DOCK2: variants seen among roughly 807,000 people sequenced by gnomAD.
The protein encoded by DOCK2 is dedicator of cytokinesis 2.
DOCK2 carries 87 observed loss-of-function variants against 248.9 expected under a neutral mutation model. The ratio of observed to expected loss-of-function variants is 0.35; its 90% CI spans 0.29 to 0.42. The LOEUF (loss-of-function observed/expected upper bound fraction) is 0.42. Among genes scored for constraint, DOCK2 ranks in the 10% least tolerant of loss-of-function variants. The probability of loss-of-function intolerance (pLI) is 1.00; values close to 1 mark genes in which losing one functional copy is unlikely to be tolerated. For missense variants in DOCK2, 1,747 were observed against 2,300.2 expected, an observed-to-expected ratio of 0.76 and a Z score of 4.92; for synonymous variants, 805 against 821.6, an observed-to-expected ratio of 0.98 and a Z score of 0.35.
rs547242484 is a variant in DOCK2, at chr5:170,067,901, T to TGGGGCAGGGA, written c.4644+224_4644+233dup. Among the ~76,000 whole-genome samples, 39 of 152,250 alleles carry TGGGGCAGGGA rather than the reference T, an allele frequency of 2.6e-4. 1 individual carries two copies. The East Asian group carries it at 7.0e-3, about 27-fold the overall frequency. On this transcript the variant is annotated intron_variant, in intron 45 of 51. Coordinates refer to ENST00000520908, the MANE Select transcript of DOCK2 (RefSeq NM_004946.3). ...CCAGCCTCTTTTCCATACCCTGTGC[T>TGGGGCAGGGA]GGGGCAGGGAGGGGCAGGAAGGGGC...
chr5:169,962,051 G>A (rs2113747154), intron 27 of DOCK2, among the ~76,000 whole-genome samples: 1 of 151,090 alleles, frequency 6.6e-6, no homozygotes, highest in East Asian at 2.0e-4. Context: ...TGTCCAACTT[G>A]GAGAAAGCCA....
intron 27 of DOCK2, among the ~76,000 whole-genome samples, chr5:169,941,423 T>A (rs1776241696): frequency 1.3e-5 from 2 of 152,080 alleles, no homozygotes; most frequent in African/African-American, 4.8e-5. Flanking sequence ...TTAGAGAGGC[T>A]TCTGTCTGAA....
At chr5:169,853,468 A>T (rs1033905544) in intron 27 of DOCK2, among the ~76,000 whole-genome samples, 5 of 152,234 alleles carry the variant, frequency 3.3e-5, no homozygotes, top group African/African-American at 1.2e-4. Flanking sequence ...TGTTACATTC[A>T]TGCAGTGATG....
chr5:170,046,046 A>G, intron 39 of DOCK2, 141 bp downstream of exon 39: 1 of 735,874 alleles, frequency 1.4e-6, no homozygotes. Flanking sequence ...GACCTGAGAG[A>G]GGCTGTACTG....
chr5:169,896,533 C>G (rs1414901720), intron 27 of DOCK2, among the ~76,000 whole-genome samples: 1 of 152,168 alleles, frequency 6.6e-6, no homozygotes, highest in Non-Finnish European at 1.5e-5. Flanking sequence ...ACTTAAGAAG[C>G]TGGCTGTAAG....
intron 22 of DOCK2, among the ~76,000 whole-genome samples, chr5:169,741,158 C>T (rs1763283320): frequency 6.6e-6 from 1 of 152,172 alleles, no homozygotes; most frequent in South Asian, 2.1e-4. Context: ...AGCTAACTCT[C>T]AGATTCTGTG....
intron 46 of DOCK2, 104 bp downstream of exon 46, chr5:170,069,324 A>T: frequency 8.6e-7 from 1 of 1,162,000 alleles, no homozygotes; most frequent in Non-Finnish European, 1.3e-6. Flanking sequence ...CTGAATTCAC[A>T]TGCCCTCCTG....
intron 27 of DOCK2, chr5:169,875,302 CA>C (rs1189084775): frequency 2.2e-6 from 1 of 456,692 alleles, no homozygotes; most frequent in East Asian, 6.9e-5. Context: ...TGAAACCCAG[CA>C]ACAAGTTTCC....
At chr5:169,790,813 G>A (rs1179043182) in intron 25 of DOCK2, among the ~76,000 whole-genome samples, 1 of 152,198 alleles carries the variant, frequency 6.6e-6, no homozygotes, top group East Asian at 1.9e-4. Context: ...GAAGTGAAAT[G>A]GCTCATCCAA....
chr5:170,003,429 G>C (rs894277752), intron 30 of DOCK2, among the ~76,000 whole-genome samples: 1 of 152,268 alleles, frequency 6.6e-6, no homozygotes, highest in African/African-American at 2.4e-5. Context: ...ACAAGGCCAG[G>C]TGCAGAACAG....
intron 27 of DOCK2, chr5:169,882,848 C>T (rs1001204172): frequency 1.9e-6 from 3 of 1,550,962 alleles, no homozygotes; most frequent in Non-Finnish European, 2.6e-6. Context: ...CACCCAGGGG[C>T]AGATTTCGAT....
Position 169,716,212 on chromosome 5 carries a change from GT to G in DOCK2, c.1944del (p.Leu649SerfsTer12). The G allele has an allele frequency of 1.2e-6, 2 of 1,613,420 alleles. No homozygotes were observed. Among genetic ancestry groups the G allele is most frequent in the Non-Finnish European group, 1.7e-6 (2 of 1,179,510 alleles). On this transcript the variant is annotated frameshift_variant and splice_region_variant, in exon 20 of 52. Coordinates refer to ENST00000520908, the MANE Select transcript of DOCK2 (RefSeq NM_004946.3). LOFTEE classifies it high-confidence loss of function. ...AGTGCAACCTTTGTTATTTCTTCCA[GT>G]TTCTCCAGGATACTCTGGATGCCCT... ...KIVDGEEVVK[F>X]LQDTLDALFN...
rs201493926 is a variant in DOCK2 at position 169,671,117 on chromosome 5, A to G, written c.264A>G (p.Ala88=). 2.6e-4 allele frequency: 424 copies of G among 1,614,112 alleles called. 1 individual carries two copies. In the East Asian group the frequency reaches 8.9e-3, roughly 34 times the overall value. Residue 88 remains alanine, a synonymous_variant, in exon 5 of 52, where the codon GCA becomes GCG. Transcript: ENST00000520908. The stretch of plus-strand genomic sequence containing the variant: ...TCATTCCTGCAGAAATTCCTCTGGC[A>G]CAAGAAGTGACAACGACACTTTGGG... ...ENIIPAEIPL[A]QEVTTTLWEW...
At chr5:170,067,792 G>A (rs758441553) in intron 45 of DOCK2, 106 bp downstream of exon 45, 12 of 1,306,694 alleles carry the variant, frequency 9.2e-6, no homozygotes, top group Non-Finnish European at 1.2e-5. Flanking sequence ...TACTTTGACT[G>A]TCCTTGTCCC....
chr5:169,816,182 T>C (rs1461375055), intron 26 of DOCK2, among the ~76,000 whole-genome samples: 2 of 152,160 alleles, frequency 1.3e-5, no homozygotes, highest in African/African-American at 4.8e-5. Flanking sequence ...TTAAGTGAAA[T>C]GAGTTAAGTG....
chr5:169,702,561 C>T, intron 14 of DOCK2, 134 bp downstream of exon 14: 1 of 1,359,592 alleles, frequency 7.4e-7, no homozygotes, highest in Non-Finnish European at 9.9e-7. Flanking sequence ...ATAATGTGTT[C>T]AACACCTTTT....
chr5:169,839,041 C>T (rs1056534595), intron 26 of DOCK2, among the ~76,000 whole-genome samples: 16 of 152,150 alleles, frequency 1.1e-4, no homozygotes, highest in Non-Finnish European at 1.9e-4. Flanking sequence ...AAGTTTAATG[C>T]GGTAAAGCTT....
intron 27 of DOCK2, among the ~76,000 whole-genome samples, chr5:169,866,036 G>A (rs1307179696): frequency 2.7e-5 from 4 of 149,548 alleles, no homozygotes; most frequent in Non-Finnish European, 4.4e-5. Flanking sequence ...TCAGAGGGGC[G>A]AGGGGGCCTG....
Position 170,042,050 on chromosome 5 carries a change from C to G in DOCK2, c.3794C>G (p.Thr1265Arg). The G allele has an allele frequency of 6.2e-7, 1 of 1,613,752 alleles. No homozygotes were observed. The highest frequency in any genetic ancestry group is 8.5e-7 in the Non-Finnish European group (1 of 1,179,824). ...DEQCASQVMQ[T>R]GQQHPQTHRQ... The stretch of plus-strand genomic sequence containing the variant: ...CAGTGTGCATCACAGGTCATGCAGA[C>G]AGGCCAGCAGCACCCCCAGACACAC... Residue 1265 changes from threonine to arginine, a missense_variant, in exon 38 of 52, where the codon ACA becomes AGA. By Grantham distance (71) the Thr-to-Arg change is moderately conservative. This residue lies in a region of DOCK2 where 858 missense variants were observed against 1,183.5 expected (regional missense o/e 0.72). Transcript: ENST00000520908.
Sources: allele counts gnomAD v4.1 joint callset (sites outside exome capture counted in the v4.1 genomes callset), GRCh38; gene constraint gnomAD v4.1.1; regional missense constraint gnomAD v4.1.1; transcripts MANE v1.5; gene names NCBI Gene and HGNC (gene_info 2026-07-23, HGNC 2026-07-21).